The following CHRM5 variants were observed in gnomAD, a reference collection of about 807,000 sequenced individuals.
The protein encoded by CHRM5 is cholinergic receptor muscarinic 5.
Under a neutral mutation model 39.0 loss-of-function variants are expected in CHRM5, and 18 were observed. That is an observed-to-expected ratio of 0.46 (90% confidence interval 0.32 to 0.68). The LOEUF (loss-of-function observed/expected upper bound fraction) is 0.68, where lower values mean the gene tolerates loss of function less well. Ranked by LOEUF, CHRM5 falls within the 30% of genes least tolerant of loss-of-function variation. The pLI is 0.04. For synonymous variants in CHRM5, 241 were observed against 246.3 expected (o/e 0.98, Z 0.20); for missense variants, 515 against 651.1 (o/e 0.79, Z 2.28).
intron 1 of CHRM5, chr15:34,006,960 G>T: frequency 1.7e-6 from 1 of 590,834 alleles, no homozygotes; most frequent in Non-Finnish European, 2.1e-6. Context: ...CAGAAAACAA[G>T]GTGAAAACTA....
At chr15:34,009,459 A>C (rs1289376161) in intron 1 of CHRM5, among the ~76,000 whole-genome samples, 1 of 152,238 alleles carries the variant, frequency 6.6e-6, no homozygotes, top group African/African-American at 2.4e-5. Context: ...TGCTGGGCCT[A>C]TAACATAGAT....
In CHRM5 at chr15:34,062,777, G is replaced by A. The variant is rs146043159; in HGVS notation, c.60G>A (p.Gln20=). The change falls in exon 3 of 3, where the codon CAG becomes CAA. Residue 20 remains glutamine (Q), a synonymous_variant. Coordinates refer to ENST00000383263, the MANE Select transcript of CHRM5 (RefSeq NM_012125.4). ...TTVNGTPVNH[Q]PLERHRLWEV... ...TCAATGGCACCCCAGTAAATCACCA[G>A]CCTTTGGAACGCCACAGGTTGTGGG... 8.7e-6 allele frequency: 14 copies of A among 1,614,146 alleles called. No homozygotes were observed. The highest frequency in any genetic ancestry group is 1.2e-5 in the Non-Finnish European group (14 of 1,180,006).
At chr15:34,013,821 G>A (rs1897743077) in intron 1 of CHRM5, among the ~76,000 whole-genome samples, 1 of 152,150 alleles carries the variant, frequency 6.6e-6, no homozygotes, top group South Asian at 2.1e-4. Flanking sequence ...ACAGGCTGAG[G>A]GAAGAGTATG....
chr15:34,038,498 T>TG (rs1899264024), intron 1 of CHRM5, among the ~76,000 whole-genome samples: 2 of 152,010 alleles, frequency 1.3e-5, no homozygotes, highest in East Asian at 3.9e-4. Flanking sequence ...CCTTGGCCTC[T>TG]GGGTTCCTAA....
At chr15:34,009,433 A>G (rs1897540120) in intron 1 of CHRM5, among the ~76,000 whole-genome samples, 1 of 152,234 alleles carries the variant, frequency 6.6e-6, no homozygotes, top group South Asian at 2.1e-4. Context: ...ATAAAACAAT[A>G]TGTGTATAAT....
intron 1 of CHRM5, among the ~76,000 whole-genome samples, chr15:34,007,858 GCTGGCAAC>G (rs1897428305): frequency 6.6e-6 from 1 of 152,152 alleles, no homozygotes; most frequent in Non-Finnish European, 1.5e-5. Flanking sequence ...TCTAGTGGTT[GCTGGCAAC>G]CTTAGCATTC....
intron 1 of CHRM5, among the ~76,000 whole-genome samples, chr15:34,006,779 T>C (rs1041316968): frequency 6.6e-6 from 1 of 151,664 alleles, no homozygotes; most frequent in African/African-American, 2.4e-5. Context: ...CACAAGAGAG[T>C]AGTAAGAAGT....
intron 1 of CHRM5, among the ~76,000 whole-genome samples, chr15:34,024,387 C>T (rs1451214219): frequency 6.7e-6 from 1 of 150,312 alleles, no homozygotes; most frequent in East Asian, 2.0e-4. Flanking sequence ...TGGTGGCTTA[C>T]ACCTATAATC....
intron 2 of CHRM5, among the ~76,000 whole-genome samples, chr15:34,053,345 G>A (rs1188293498): frequency 5.1e-4 from 46 of 89,486 alleles, no homozygotes; most frequent in Admixed American, 5.1e-3. Context: ...TATATATATG[G>A]AACTGAAAAG....
intron 1 of CHRM5, among the ~76,000 whole-genome samples, chr15:34,015,459 G>T (rs1028737707): frequency 2.0e-5 from 3 of 151,904 alleles, no homozygotes; most frequent in Non-Finnish European, 4.4e-5. Context: ...TCCAGCCTGG[G>T]TGACAGAGCG....
intron 2 of CHRM5, among the ~76,000 whole-genome samples, chr15:34,053,023 G>C (rs1899985245): frequency 6.6e-6 from 1 of 151,982 alleles, no homozygotes; most frequent in Non-Finnish European, 1.5e-5. Context: ...AACCAGGCCA[G>C]GTGCAGTGGC....
intron 1 of CHRM5, among the ~76,000 whole-genome samples, chr15:34,020,997 C>A (rs1898176379): frequency 6.6e-6 from 1 of 152,154 alleles, no homozygotes; most frequent in African/African-American, 2.4e-5. Context: ...TCTGAAAAGT[C>A]TTTTTCTGCA....
chr15:33,994,688 T>C (rs574530710), intron 1 of CHRM5, among the ~76,000 whole-genome samples: 4 of 152,190 alleles, frequency 2.6e-5, no homozygotes, highest in African/African-American at 4.8e-5. Flanking sequence ...GTGTGTGAAA[T>C]AGAAATTCAC....
chr15:34,013,551 T>C (rs1897729839), intron 1 of CHRM5, among the ~76,000 whole-genome samples: 1 of 152,210 alleles, frequency 6.6e-6, no homozygotes. Flanking sequence ...CAGTGTTTCC[T>C]GAGTAGTTAC....
intron 1 of CHRM5, among the ~76,000 whole-genome samples, chr15:33,989,878 T>C (rs918147422): frequency 2.0e-5 from 3 of 150,178 alleles, no homozygotes; most frequent in Non-Finnish European, 3.0e-5. Context: ...ACAATAGCAA[T>C]TGAGACGGAT....
Position 34,064,352 on chromosome 15 carries a change from C to A in CHRM5, c.*36C>A. 1 of 1,573,616 alleles carries A rather than the reference C, an allele frequency of 6.4e-7. No homozygotes were observed. Among genetic ancestry groups the A allele is most frequent in the Non-Finnish European group, 8.6e-7 (1 of 1,161,670 alleles). On this transcript the variant is annotated 3_prime_UTR_variant, in exon 3 of 3. Coordinates refer to ENST00000383263, the MANE Select transcript of CHRM5 (RefSeq NM_012125.4). ...ACTCCTCTCGAAAGAACAATGACCA[C>A]AGTCAACATCCTCTGAGGATGAGCA... is the stretch of plus-strand genomic sequence containing the variant.
At chr15:34,035,808 T>A (rs556153513) in intron 1 of CHRM5, among the ~76,000 whole-genome samples, 197 of 148,550 alleles carry the variant, frequency 1.3e-3, no homozygotes, top group Non-Finnish European at 2.3e-3. Context: ...GTAAGTTAGT[T>A]ATTTGAGACA....
chr15:34,040,554 A>T (rs1899428423), intron 1 of CHRM5, among the ~76,000 whole-genome samples: 1 of 152,226 alleles, frequency 6.6e-6, no homozygotes, highest in African/African-American at 2.4e-5. Context: ...TGGGACTAAT[A>T]GCTGGCCTAC....
intron 1 of CHRM5, chr15:34,039,100 C>G: frequency 2.8e-6 from 3 of 1,066,322 alleles, no homozygotes; most frequent in Non-Finnish European, 3.4e-6. Flanking sequence ...GGCGGAGACG[C>G]CCTGGCCCCA....
Sources: gnomAD v4.1 joint callset for allele counts (sites outside exome capture counted in the v4.1 genomes callset) on GRCh38, gnomAD v4.1.1 for gene constraint, MANE v1.5 for transcripts, NCBI Gene and HGNC (gene_info 2026-07-23, HGNC 2026-07-21) for gene names.